KIAA1328: variants seen among roughly 807,000 people sequenced by gnomAD.
KIAA1328 encodes protein hinderin.
In KIAA1328, 52 loss-of-function variants were observed where a neutral mutation model predicts 68.1. That is an observed-to-expected ratio of 0.76 (90% confidence interval 0.61 to 0.96). The LOEUF is 0.96. Ranked by LOEUF, KIAA1328 falls within the 40% of genes least tolerant of loss-of-function variation. The pLI is 0.00. For missense variants in KIAA1328, 641 were observed against 677.6 expected, an observed-to-expected ratio of 0.95 and a Z score of 0.60; for synonymous variants, 232 against 239.4, an observed-to-expected ratio of 0.97 and a Z score of 0.28.
chr18:37,141,338 A>G (rs757908362), intron 7 of KIAA1328, among the ~76,000 whole-genome samples: 3 of 152,252 alleles, frequency 2.0e-5, no homozygotes, highest in Non-Finnish European at 2.9e-5. Flanking sequence ...TCATATAAGT[A>G]GAATCATACA....
At chr18:36,863,124 C>G (rs944192921) in intron 4 of KIAA1328, among the ~76,000 whole-genome samples, 33 of 152,130 alleles carry the variant, frequency 2.2e-4, no homozygotes, top group African/African-American at 7.7e-4. Context: ...CCTTTCATCC[C>G]CCTTCACTGA....
At position 36,829,128 on chromosome 18, in the gene KIAA1328, G is replaced by A; in HGVS notation, c.-11G>A. On this transcript the variant is annotated 5_prime_UTR_variant, in exon 1 of 10. Coordinates refer to ENST00000280020, the MANE Select transcript of KIAA1328 (RefSeq NM_020776.3). ...CCCAGGCGCGACGCCCCGAGTGGCG[G>A]TTGTTTCAAGATGGCGGACGTGGCG... The A allele has an allele frequency of 1.3e-6, 2 of 1,532,982 alleles. No individual in the cohort carries two copies. The highest frequency in any genetic ancestry group is 8.8e-7 in the Non-Finnish European group (1 of 1,141,904). The allele number at this position is 1,532,982 out of a possible 1,614,324, so 95.0% of individuals were successfully genotyped here.
intron 6 of KIAA1328, among the ~76,000 whole-genome samples, chr18:37,054,743 G>A (rs2055843238): frequency 6.6e-6 from 1 of 152,104 alleles, no homozygotes; most frequent in Admixed American, 6.6e-5. Context: ...TGGATTCACT[G>A]GAAGCCAAAA....
rs775380793 is a variant in KIAA1328, at chr18:37,172,942, GC to G, written c.1415-28del. On this transcript the variant is annotated intron_variant, in intron 8 of 9. Transcript: ENST00000280020. ...ACTTTTCCATTTTCTTTTACTGAATGCCCAAATTATTTTCTTTATTTTTCAT... is the reference window on the plus strand; with the variant it reads ...ACTTTTCCATTTTCTTTTACTGAATGCCAAATTATTTTCTTTATTTTTCAT... 6 of 1,514,486 alleles carry G rather than the reference GC, an allele frequency of 4.0e-6. No individual in the cohort carries two copies. The South Asian group carries it at 5.8e-5, about 15-fold the overall frequency. The allele number at this position is 1,514,486 out of a possible 1,614,324, so 93.8% of individuals were successfully genotyped here.
intron 9 of KIAA1328, among the ~76,000 whole-genome samples, chr18:37,197,695 A>G (rs972982443): frequency 2.0e-5 from 3 of 152,162 alleles, no homozygotes; most frequent in Non-Finnish European, 4.4e-5. Context: ...TAATGGCCCC[A>G]AGAAAAACAT....
intron 7 of KIAA1328, among the ~76,000 whole-genome samples, chr18:37,128,104 A>G (rs2058436374): frequency 6.6e-6 from 1 of 152,226 alleles, no homozygotes; most frequent in Non-Finnish European, 1.5e-5. Flanking sequence ...AGCTATAACA[A>G]TATAGTTGAG....
At chr18:37,160,470 C>A in intron 8 of KIAA1328, 89 bp downstream of exon 8, 1 of 1,234,412 alleles carries the variant, frequency 8.1e-7, no homozygotes, top group Non-Finnish European at 1.1e-6. Context: ...TCCTACAATG[C>A]TGAGCAAAAG....
intron 5 of KIAA1328, among the ~76,000 whole-genome samples, chr18:36,931,302 G>T (rs986638479): frequency 1.3e-5 from 2 of 152,088 alleles, no homozygotes; most frequent in Admixed American, 1.3e-4. Flanking sequence ...TGGTGAGCGA[G>T]CATTACTGCA....
chr18:37,032,538 G>A (rs961087418), intron 6 of KIAA1328, among the ~76,000 whole-genome samples: 2 of 149,742 alleles, frequency 1.3e-5, no homozygotes, highest in African/African-American at 2.5e-5. Flanking sequence ...ATTTCACTTC[G>A]TTTTTAAAGG....
At chr18:36,978,434 T>C (rs1423563259) in intron 6 of KIAA1328, among the ~76,000 whole-genome samples, 4 of 152,164 alleles carry the variant, frequency 2.6e-5, no homozygotes, top group Admixed American at 6.5e-5. Context: ...AGTTCAGAAA[T>C]CGGTTTGCAT....
intron 9 of KIAA1328, among the ~76,000 whole-genome samples, chr18:37,204,110 G>A (rs910068442): frequency 1.6e-4 from 24 of 152,126 alleles, no homozygotes; most frequent in African/African-American, 4.1e-4. Context: ...ACGCCTGGCC[G>A]GTGAACCTAG....
intron 4 of KIAA1328, among the ~76,000 whole-genome samples, chr18:36,862,491 G>A (rs1035741637): frequency 2.0e-5 from 3 of 151,956 alleles, no homozygotes; most frequent in Non-Finnish European, 4.4e-5. Context: ...TTTAAACTCA[G>A]CATAATTCTC....
intron 7 of KIAA1328, among the ~76,000 whole-genome samples, chr18:37,115,835 T>A (rs2058090081): frequency 6.6e-6 from 1 of 152,226 alleles, no homozygotes; most frequent in Non-Finnish European, 1.5e-5. Flanking sequence ...ACAAAATGAA[T>A]GTGCAAAAAT....
chr18:37,054,551 T>A (rs1043930131), intron 6 of KIAA1328, among the ~76,000 whole-genome samples: 1 of 152,136 alleles, frequency 6.6e-6, no homozygotes, highest in African/African-American at 2.4e-5. Context: ...CTACGCAAAT[T>A]AACACAGAAA....
chr18:36,866,941 A>T (rs2047772974), intron 4 of KIAA1328, among the ~76,000 whole-genome samples: 1 of 152,198 alleles, frequency 6.6e-6, no homozygotes, highest in African/African-American at 2.4e-5. Context: ...TATTTTGGAG[A>T]AGTCACTCAG....
chr18:36,853,311 A>C (rs1310593244), intron 4 of KIAA1328, among the ~76,000 whole-genome samples: 1 of 152,232 alleles, frequency 6.6e-6, no homozygotes, highest in Non-Finnish European at 1.5e-5. Context: ...TTACATTTAA[A>C]GTAATTACTT....
At chr18:37,000,965 C>T (rs1167690937) in intron 6 of KIAA1328, among the ~76,000 whole-genome samples, 1 of 151,776 alleles carries the variant, frequency 6.6e-6, no homozygotes, top group Non-Finnish European at 1.5e-5. Context: ...AAGAATTAAC[C>T]AATGCTCTTG....
intron 6 of KIAA1328, among the ~76,000 whole-genome samples, chr18:37,036,719 C>A (rs1395357946): frequency 9.2e-5 from 14 of 152,188 alleles, no homozygotes; most frequent in Admixed American, 9.2e-4. Context: ...AACTGTCATG[C>A]AAGTTCAGCT....
At chr18:36,859,466 G>A (rs1403028936) in intron 4 of KIAA1328, among the ~76,000 whole-genome samples, 2 of 150,398 alleles carry the variant, frequency 1.3e-5, no homozygotes, top group Non-Finnish European at 3.0e-5. Flanking sequence ...TAAAAAAAAT[G>A]ATCAGTTCCC....
Sources: allele counts gnomAD v4.1 joint callset (sites outside exome capture counted in the v4.1 genomes callset), GRCh38; gene constraint gnomAD v4.1.1; transcripts MANE v1.5; gene names NCBI Gene and HGNC (gene_info 2026-07-23, HGNC 2026-07-21).